The following LRRC4C variants were observed in gnomAD, a reference collection of about 807,000 sequenced individuals.
The protein encoded by LRRC4C is leucine-rich repeat-containing protein 4C.
LRRC4C carries 5 observed loss-of-function variants against 33.6 expected under a neutral mutation model. The ratio of observed to expected loss-of-function variants is 0.15; its 90% CI spans 0.08 to 0.31. The LOEUF (loss-of-function observed/expected upper bound fraction) is 0.31, where lower values mean the gene tolerates loss of function less well. Ranked by LOEUF, LRRC4C falls within the 10% of genes least tolerant of loss-of-function variation. LRRC4C has a pLI of 1.00. For synonymous variants in LRRC4C, 329 were observed against 302.0 expected, an observed-to-expected ratio of 1.09 and a Z score of -0.93; for missense variants, 560 against 796.7, an observed-to-expected ratio of 0.70 and a Z score of 3.58.
chr11:40,834,304 C>G (rs1952555456), intron 2 of LRRC4C, among the ~76,000 whole-genome samples: 1 of 151,950 alleles, frequency 6.6e-6, no homozygotes, highest in Non-Finnish European at 1.5e-5. Flanking sequence ...AACCCTGTCT[C>G]TACTAAAAAT....
intron 2 of LRRC4C, among the ~76,000 whole-genome samples, chr11:40,734,574 C>A (rs1214038010): frequency 6.6e-6 from 1 of 152,086 alleles, no homozygotes; most frequent in Non-Finnish European, 1.5e-5. Context: ...AATGCCATTT[C>A]AATTAAAAGA....
chr11:41,301,040 T>C (rs1950270792), intron 1 of LRRC4C, among the ~76,000 whole-genome samples: 1 of 152,174 alleles, frequency 6.6e-6, no homozygotes, highest in Non-Finnish European at 1.5e-5. Context: ...AATTAGAATG[T>C]AGTAAAAACC....
intron 3 of LRRC4C, among the ~76,000 whole-genome samples, chr11:40,328,810 T>A (rs555707767): frequency 6.6e-6 from 1 of 152,310 alleles, no homozygotes; most frequent in East Asian, 1.9e-4. Context: ...GCATTTGGAG[T>A]GCTCAGAGAC....
intron 3 of LRRC4C, among the ~76,000 whole-genome samples, chr11:40,408,409 T>C (rs1950036850): frequency 6.6e-6 from 1 of 152,004 alleles, no homozygotes; most frequent in East Asian, 1.9e-4. Flanking sequence ...GCAGTTTATT[T>C]TTATCCTCGA....
chr11:41,028,821 T>C (rs1856545528), intron 1 of LRRC4C, among the ~76,000 whole-genome samples: 1 of 151,752 alleles, frequency 6.6e-6, no homozygotes, highest in Non-Finnish European at 1.5e-5. Flanking sequence ...TGATCTTTTC[T>C]ACTGAAACAA....
chr11:41,069,303 A>G (rs1288668325), intron 1 of LRRC4C, among the ~76,000 whole-genome samples: 1 of 152,200 alleles, frequency 6.6e-6, no homozygotes. Context: ...ACAAACCCAT[A>G]GCCATTATCA....
intron 4 of LRRC4C, among the ~76,000 whole-genome samples, chr11:40,260,702 A>T (rs1344514641): frequency 6.6e-6 from 1 of 152,162 alleles, no homozygotes; most frequent in Non-Finnish European, 1.5e-5. Flanking sequence ...CCAAATTATC[A>T]TCAGAAAATA....
chr11:40,202,577 CTTTG>C (rs1444562943), intron 5 of LRRC4C, among the ~76,000 whole-genome samples: 1 of 152,090 alleles, frequency 6.6e-6, no homozygotes, highest in Non-Finnish European at 1.5e-5. Context: ...TTCTAAAACT[CTTTG>C]TGGACTTAAT....
chr11:40,695,566 A>G (rs1945460438), intron 2 of LRRC4C, among the ~76,000 whole-genome samples: 1 of 152,196 alleles, frequency 6.6e-6, no homozygotes, highest in Non-Finnish European at 1.5e-5. Flanking sequence ...ACAGTTCTGG[A>G]GGTCAGAAGT....
intron 1 of LRRC4C, among the ~76,000 whole-genome samples, chr11:41,122,198 C>T (rs1942472592): frequency 6.6e-6 from 1 of 152,106 alleles, no homozygotes; most frequent in Non-Finnish European, 1.5e-5. Flanking sequence ...ACTCTAGACA[C>T]ATCTAGGATT....
chr11:41,250,001 T>TAAA (rs35746877), intron 1 of LRRC4C, among the ~76,000 whole-genome samples: 5 of 147,972 alleles, frequency 3.4e-5, no homozygotes, highest in South Asian at 2.1e-4. Flanking sequence ...CCATCTCTAC[T>TAAA]AAAAAAAAAA....
chr11:41,104,129 A>G (rs1368744540), intron 1 of LRRC4C, among the ~76,000 whole-genome samples: 1 of 151,906 alleles, frequency 6.6e-6, no homozygotes, highest in Non-Finnish European at 1.5e-5. Flanking sequence ...ACGATTAATA[A>G]CTTTTGCTTC....
At chr11:41,304,279 G>A (rs1478203087) in intron 1 of LRRC4C, among the ~76,000 whole-genome samples, 1 of 118,072 alleles carries the variant, frequency 8.5e-6, no homozygotes, top group African/African-American at 3.3e-5. Context: ...GGGCGCCTCT[G>A]CCCGGCCGCC....
intron 2 of LRRC4C, among the ~76,000 whole-genome samples, chr11:40,673,045 AC>A (rs1413040499): frequency 1.3e-5 from 2 of 151,894 alleles, no homozygotes; most frequent in East Asian, 3.9e-4. Flanking sequence ...AAAAAAAAAA[AC>A]AGTTAAGTAG....
At chr11:41,094,118 G>A (rs1217498636) in intron 1 of LRRC4C, among the ~76,000 whole-genome samples, 5 of 147,534 alleles carry the variant, frequency 3.4e-5, no homozygotes, top group African/African-American at 1.0e-4. Flanking sequence ...TCCGTATCGG[G>A]GGAAAAAAAA....
intron 3 of LRRC4C, among the ~76,000 whole-genome samples, chr11:40,469,075 G>T (rs1373504933): frequency 1.3e-5 from 2 of 152,204 alleles, no homozygotes; most frequent in African/African-American, 4.8e-5. Flanking sequence ...TGGGGAAAAA[G>T]GGAGGCCATA....
intron 3 of LRRC4C, among the ~76,000 whole-genome samples, chr11:40,582,352 C>T (rs933274679): frequency 3.9e-5 from 6 of 151,902 alleles, no homozygotes; most frequent in African/African-American, 1.5e-4. Context: ...ATATTTTTTT[C>T]TATACTTAGA....
chr11:40,272,824 T>TATG (rs1942807205), intron 4 of LRRC4C, among the ~76,000 whole-genome samples: 1 of 152,016 alleles, frequency 6.6e-6, no homozygotes, highest in Admixed American at 6.6e-5. Flanking sequence ...AGTGTAAACC[T>TATG]ATGATTCATT....
intron 3 of LRRC4C, among the ~76,000 whole-genome samples, chr11:40,541,340 C>T (rs1956699607): frequency 1.3e-5 from 2 of 152,114 alleles, no homozygotes; most frequent in African/African-American, 2.4e-5. Context: ...CTCTTGGCTT[C>T]AAGGGATCTT....
Sources: gnomAD v4.1 joint callset for allele counts (sites outside exome capture counted in the v4.1 genomes callset) on GRCh38, gnomAD v4.1.1 for gene constraint, MANE v1.5 for transcripts, NCBI Gene and HGNC (gene_info 2026-07-23, HGNC 2026-07-21) for gene names.